The following SYTL2 variants were observed in gnomAD, a reference collection of about 807,000 sequenced individuals.
SYTL2 encodes the protein synaptotagmin like 2.
Under a neutral mutation model 198.7 loss-of-function variants are expected in SYTL2, and 165 were observed. The observed-to-expected ratio is 0.83, with a 90% CI of 0.73 to 0.94. SYTL2 has a LOEUF of 0.94. Ranked by LOEUF, SYTL2 falls within the 40% of genes least tolerant of loss-of-function variation. The probability of loss-of-function intolerance (pLI) is 0.00; values close to 1 mark genes in which losing one functional copy is unlikely to be tolerated. For missense variants in SYTL2, 2,835 were observed against 2,582.8 expected (o/e 1.10, Z -2.12); for synonymous variants, 966 against 917.7 (o/e 1.05, Z -0.95).
chr11:85,828,706 C>T, the SYTL2 span, among the ~76,000 whole-genome samples: 1 of 152,138 alleles, frequency 6.6e-6, no homozygotes, highest in Non-Finnish European at 1.5e-5. Context: ...CCCTCTAAGA[C>T]AGGTTTGACA....
intron 7 of SYTL2, 153 bp from the exon 8 acceptor site, chr11:85,728,120 G>A: frequency 1.5e-6 from 1 of 661,688 alleles, no homozygotes; most frequent in Non-Finnish European, 2.4e-6. Context: ...TAAAATGTAA[G>A]TTGTCCTAAT....
intron 9 of SYTL2, chr11:85,719,206 A>T: frequency 8.1e-7 from 1 of 1,238,412 alleles, no homozygotes; most frequent in East Asian, 5.0e-5. Context: ...CACCTTCCCA[A>T]ACCCATGGTC....
chr11:85,737,345 G>A (rs2090431451), intron 5 of SYTL2, among the ~76,000 whole-genome samples: 2 of 152,146 alleles, frequency 1.3e-5, no homozygotes, highest in Admixed American at 1.3e-4. Flanking sequence ...TTACCCTCTA[G>A]GGCAAGAAAT....
chr11:85,843,882 C>G, the SYTL2 span, among the ~76,000 whole-genome samples: 1 of 152,270 alleles, frequency 6.6e-6, no homozygotes, highest in South Asian at 2.1e-4. Flanking sequence ...CAAGGTCACA[C>G]AACTAGTAAG....
chr11:85,730,477 A>T (rs1047792769), intron 7 of SYTL2, among the ~76,000 whole-genome samples: 1 of 152,202 alleles, frequency 6.6e-6, no homozygotes, highest in Admixed American at 6.5e-5. Flanking sequence ...ACGTAAACAG[A>T]ACCAATGACA....
intron 7 of SYTL2, among the ~76,000 whole-genome samples, chr11:85,733,421 T>TC (rs2090000102): frequency 6.6e-6 from 1 of 152,162 alleles, no homozygotes; most frequent in Admixed American, 6.5e-5. Flanking sequence ...AACTGTGCTA[T>TC]CCTGGTACTT....
chr11:85,824,986 A>G, the SYTL2 span, among the ~76,000 whole-genome samples: 3,414 of 152,300 alleles, frequency 0.022, 107 homozygotes, highest in African/African-American at 0.076. Context: ...TAGGAAAAGG[A>G]TGTCTGGATC....
At chr11:85,700,418 T>C (rs2084105453) in intron 17 of SYTL2, 97 bp downstream of exon 17, 1 of 926,344 alleles carries the variant, frequency 1.1e-6, no homozygotes, top group Non-Finnish European at 1.7e-6. Context: ...ACTTGATAAG[T>C]TTCTTTAGGG....
chr11:85,748,487 C>A (rs999306816), intron 2 of SYTL2, 64 bp from the exon 3 acceptor site: 2 of 1,530,132 alleles, frequency 1.3e-6, no homozygotes, highest in African/African-American at 2.7e-5. Context: ...TTCATTATGA[C>A]ACCGCATAAA....
chr11:85,784,860 GA>G (rs372752941), intron 1 of SYTL2, among the ~76,000 whole-genome samples: 5 of 150,674 alleles, frequency 3.3e-5, no homozygotes, highest in Admixed American at 3.3e-4. Context: ...AAGGGGTAAA[GA>G]AAAAAAAATG....
chr11:85,750,900 T>C (rs1364237493), intron 2 of SYTL2, among the ~76,000 whole-genome samples: 1 of 152,168 alleles, frequency 6.6e-6, no homozygotes, highest in Non-Finnish European at 1.5e-5. Context: ...CCACAAACCC[T>C]TATAGCAGAA....
At chr11:85,787,660 C>T (rs1363291841) in intron 1 of SYTL2, among the ~76,000 whole-genome samples, 2 of 151,570 alleles carry the variant, frequency 1.3e-5, no homozygotes, top group Non-Finnish European at 2.9e-5. Flanking sequence ...TTGGTCTCCT[C>T]CCCAATGGTT....
At chr11:85,709,876 T>C (rs1422881660) in intron 13 of SYTL2, among the ~76,000 whole-genome samples, 1 of 151,992 alleles carries the variant, frequency 6.6e-6, no homozygotes, top group East Asian at 1.9e-4. Flanking sequence ...AGAGATGGGG[T>C]TTCACCAGGT....
chr11:85,709,474 A>G lies in SYTL2; in HGVS notation c.5772T>C (p.Tyr1924=), dbSNP rs375666698. 6.8e-6 allele frequency: 11 copies of G among 1,613,876 alleles called. No individual in the cohort carries two copies. Among genetic ancestry groups the G allele is most frequent in the Non-Finnish European group, 7.6e-6 (9 of 1,180,022 alleles). Residue 1924 remains tyrosine (Y), a synonymous_variant, in exon 14 of 20, where the codon TAT becomes TAC. Transcript: ENST00000359152. ...CTTCCAGATTGCCAAAGTCTCCACT[A>G]TAAACACTCATCACACTGCCACTCA... ...SSVSGSVMSV[Y]SGDFGNLEVK... is the part of the protein sequence containing the mutation.
chr11:85,762,417 T>C (rs937237495), intron 1 of SYTL2, among the ~76,000 whole-genome samples: 2 of 152,196 alleles, frequency 1.3e-5, no homozygotes, highest in African/African-American at 2.4e-5. Flanking sequence ...CTCCTACCCA[T>C]CCTCCATTCA....
intron 4 of SYTL2, among the ~76,000 whole-genome samples, chr11:85,741,808 T>G (rs976655863): frequency 1.3e-5 from 2 of 152,190 alleles, no homozygotes; most frequent in Non-Finnish European, 2.9e-5. Flanking sequence ...GATGTGGCTT[T>G]AATTGATTGG....
At chr11:85,844,642 C>T in the SYTL2 span, among the ~76,000 whole-genome samples, 1 of 152,184 alleles carries the variant, frequency 6.6e-6, no homozygotes, top group Non-Finnish European at 1.5e-5. Flanking sequence ...TGAGGTCATT[C>T]TTTTTGCCAG....
At chr11:85,765,409 G>T (rs972592834) in intron 1 of SYTL2, among the ~76,000 whole-genome samples, 1 of 152,148 alleles carries the variant, frequency 6.6e-6, no homozygotes, top group Non-Finnish European at 1.5e-5. Flanking sequence ...GCTAATTTTT[G>T]TGTGTTTAGT....
Position 85,726,801 on chromosome 11 carries a change from T to C in SYTL2, c.2557A>G (p.Ile853Val). ...TCATCTAAGACCACTCGTTTGGGAA[T>C]GGCCTGATTATATTCACTCTGGTCT... ...STDQSEYNQAIPKRVVLDEDD... is the reference protein window; with the variant it reads ...STDQSEYNQAVPKRVVLDEDD... Residue 853 changes from isoleucine to valine, a missense_variant, in exon 8 of 20, where the codon ATT (isoleucine) becomes GTT (valine). Coordinates refer to ENST00000359152, the MANE Select transcript of SYTL2 (RefSeq NM_206927.4). The C allele has an allele frequency of 6.5e-7, 1 of 1,536,292 alleles. No homozygotes were observed. Among genetic ancestry groups the C allele is most frequent in the South Asian group, 1.2e-5 (1 of 84,064 alleles).
Sources: gnomAD v4.1 joint callset for allele counts (sites outside exome capture counted in the v4.1 genomes callset) on GRCh38, gnomAD v4.1.1 for gene constraint, MANE v1.5 for transcripts, NCBI Gene and HGNC (gene_info 2026-07-23, HGNC 2026-07-21) for gene names.